Variants in MACO1 observed in about 807,000 individuals in gnomAD.
The protein encoded by MACO1 is macoilin.
A neutral mutation model predicts 78.7 loss-of-function variants in MACO1; 14 were observed. The observed-to-expected ratio is 0.18, with a 90% CI of 0.12 to 0.28. The LOEUF (loss-of-function observed/expected upper bound fraction) is 0.28. Among genes scored for constraint, MACO1 ranks in the 10% least tolerant of loss-of-function variants. MACO1 has a pLI of 1.00. For missense variants in MACO1, 501 were observed against 799.0 expected, an observed-to-expected ratio of 0.63 and a Z score of 4.50; for synonymous variants, 288 against 291.6, an observed-to-expected ratio of 0.99 and a Z score of 0.12.
chr1:25,494,592 C>T (rs957986806), intron 10 of MACO1, among the ~76,000 whole-genome samples: 7 of 151,992 alleles, frequency 4.6e-5, no homozygotes, highest in East Asian at 1.9e-4. Flanking sequence ...TGTGAAAGAC[C>T]GATGGAAGGG....
At chr1:25,440,229 A>C (rs1039536502) in intron 1 of MACO1, among the ~76,000 whole-genome samples, 6 of 88,034 alleles carry the variant, frequency 6.8e-5, no homozygotes, top group Non-Finnish European at 1.5e-4. Context: ...TCCCATCTCT[A>C]CAAAAAAAAA....
chr1:25,475,565 A>AAAAG (rs2043315055), intron 6 of MACO1, among the ~76,000 whole-genome samples: 2 of 148,142 alleles, frequency 1.4e-5, no homozygotes, highest in Non-Finnish European at 1.5e-5. Context: ...AAAAAAAAAA[A>AAAAG]AAAAGGAAAA....
intron 1 of MACO1, among the ~76,000 whole-genome samples, chr1:25,432,038 A>G (rs1469678166): frequency 1.3e-5 from 2 of 152,082 alleles, no homozygotes; most frequent in Non-Finnish European, 2.9e-5. Context: ...CCCCAAGTCG[A>G]TTTGTGTACG....
At chr1:25,450,204 G>A (rs1416471692) in intron 3 of MACO1, among the ~76,000 whole-genome samples, 1 of 152,106 alleles carries the variant, frequency 6.6e-6, no homozygotes, top group Non-Finnish European at 1.5e-5. Flanking sequence ...CTTTTCTGTA[G>A]GCAAGAACAC....
At chr1:25,484,404 A>G in intron 7 of MACO1, 130 bp downstream of exon 7, 3 of 914,106 alleles carry the variant, frequency 3.3e-6, no homozygotes, top group Non-Finnish European at 4.6e-6. Flanking sequence ...AATGTTTAAA[A>G]TACTTTATTT....
chr1:25,496,993 C>T (rs2043543516), intron 10 of MACO1, among the ~76,000 whole-genome samples: 1 of 152,188 alleles, frequency 6.6e-6, no homozygotes, highest in African/African-American at 2.4e-5. Context: ...AGTTAGTATA[C>T]ATAAGCATTT....
intron 10 of MACO1, 44 bp from the exon 11 acceptor site, chr1:25,498,220 G>A: frequency 6.2e-7 from 1 of 1,605,894 alleles, no homozygotes; most frequent in East Asian, 2.2e-5. Context: ...ATTGTGTTGG[G>A]TGAGGCCTCC....
intron 9 of MACO1, 131 bp from the exon 10 acceptor site, chr1:25,491,279 A>ATGAAACAC (rs1455390303): frequency 2.0e-4 from 258 of 1,273,560 alleles, no homozygotes; most frequent in Admixed American, 1.9e-4. Flanking sequence ...GCCTAAACCC[A>ATGAAACAC]TGAAACACCA....
Position 25,491,544 on chromosome 1 carries a change from C to T in MACO1, c.1752C>T (p.Ser584=), listed in dbSNP as rs149775144. The T allele has an allele frequency of 1.5e-5, 24 of 1,614,206 alleles. No individual in the cohort carries two copies. Among genetic ancestry groups the T allele is most frequent in the African/African-American group, 1.2e-4 (9 of 75,058 alleles). ...AETRIKLDLF[S]ALGDAKRQLE... ...CGAGAATCAAGCTGGACCTGTTCTCCGCACTGGGCGATGCAAAGCGGCAGC... is the reference window on the plus strand; with the variant it reads ...CGAGAATCAAGCTGGACCTGTTCTCTGCACTGGGCGATGCAAAGCGGCAGC... The change falls in exon 10 of 11, where the codon TCC becomes TCT. Residue 584 remains serine, a synonymous_variant. Coordinates refer to ENST00000374343, the MANE Select transcript of MACO1 (RefSeq NM_018202.6).
intron 6 of MACO1, among the ~76,000 whole-genome samples, chr1:25,473,302 T>TA (rs1013107444): frequency 1.3e-5 from 2 of 152,222 alleles, no homozygotes; most frequent in African/African-American, 4.8e-5. Flanking sequence ...ATTTTATACT[T>TA]AAACAGGGTT....
chr1:25,440,419 AAAG>A (rs1264235250), intron 1 of MACO1, among the ~76,000 whole-genome samples: 3 of 151,500 alleles, frequency 2.0e-5, no homozygotes, highest in East Asian at 1.9e-4. Flanking sequence ...AAAAAAAAAA[AAAG>A]AAGAAAGAAA....
intron 6 of MACO1, among the ~76,000 whole-genome samples, chr1:25,475,436 G>T (rs1208845906): frequency 6.6e-6 from 1 of 151,922 alleles, no homozygotes; most frequent in Non-Finnish European, 1.5e-5. Context: ...TGTTGGCTGA[G>T]CATGGTGGCT....
At chr1:25,493,407 A>T (rs1443292711) in intron 10 of MACO1, among the ~76,000 whole-genome samples, 1 of 144,318 alleles carries the variant, frequency 6.9e-6, no homozygotes, top group Non-Finnish European at 1.5e-5. Context: ...TGCCCAGCTA[A>T]TTTTTTTTTT....
chr1:25,453,660 C>CAA (rs532604219), intron 3 of MACO1, among the ~76,000 whole-genome samples: 130 of 69,006 alleles, frequency 1.9e-3, no homozygotes, highest in Middle Eastern at 7.6e-3. Context: ...GAGACTCCCT[C>CAA]AAAAAAAAAA....
chr1:25,498,490 A>G lies in MACO1; in HGVS notation c.*24A>G. On this transcript the variant is annotated 3_prime_UTR_variant, in exon 11 of 11. Coordinates refer to ENST00000374343, the MANE Select transcript of MACO1 (RefSeq NM_018202.6). ...GAAGGCCAGCTGTGTGTTGTGCCCA[A>G]AAATTTGGTTACCGGAAGGCATTGC... 1 of 1,566,570 alleles carries G rather than the reference A, an allele frequency of 6.4e-7. No individual in the cohort carries two copies. The highest frequency in any genetic ancestry group is 1.4e-5 in the African/African-American group (1 of 72,758).
At chr1:25,431,878 C>T (rs1057351074) in intron 1 of MACO1, among the ~76,000 whole-genome samples, 4 of 151,308 alleles carry the variant, frequency 2.6e-5, no homozygotes, top group African/African-American at 9.7e-5. Flanking sequence ...AGATAGCTTG[C>T]TTTGAACGTT....
intron 1 of MACO1, among the ~76,000 whole-genome samples, chr1:25,440,230 CAAAAAAA>C (rs35841483): frequency 6.3e-5 from 6 of 95,888 alleles, no homozygotes; most frequent in South Asian, 7.5e-4. Flanking sequence ...CCCATCTCTA[CAAAAAAA>C]AAAAAAAAAA....
chr1:25,454,363 C>T lies in MACO1; in HGVS notation c.454C>T (p.Arg152Cys), dbSNP rs1233151825. 6.2e-7 allele frequency: 1 copy of T among 1,605,380 alleles called. No individual in the cohort carries two copies. Among genetic ancestry groups the T allele is most frequent in the Admixed American group, 1.7e-5 (1 of 59,106 alleles). The change falls in exon 4 of 11, where the codon CGT (arginine) becomes TGT (cysteine). Residue 152 changes from arginine to cysteine, a missense_variant. Arg to Cys is a radical substitution (Grantham distance 180). This residue lies in a region of MACO1 where 171 missense variants were observed against 292.1 expected (regional missense o/e 0.59). Coordinates refer to ENST00000374343, the MANE Select transcript of MACO1 (RefSeq NM_018202.6). ...DLKNFHVDLCRPFAAHCIGYP... is the reference protein window; with the variant it reads ...DLKNFHVDLCCPFAAHCIGYP... ...CAAAAACTTTCATGTAGACCTTTGT[C>T]GTCCATTTGCTGCTCACTGGTAAGT...
At chr1:25,437,115 AC>A (rs1177579555) in intron 1 of MACO1, among the ~76,000 whole-genome samples, 1 of 148,580 alleles carries the variant, frequency 6.7e-6, no homozygotes, top group Non-Finnish European at 1.5e-5. Flanking sequence ...TCATATTGTT[AC>A]GTTGTTCATC....
Sources: gnomAD v4.1 joint callset for allele counts (sites outside exome capture counted in the v4.1 genomes callset) on GRCh38, gnomAD v4.1.1 for gene constraint, gnomAD v4.1.1 regional missense constraint, MANE v1.5 for transcripts, NCBI Gene and HGNC (gene_info 2026-07-23, HGNC 2026-07-21) for gene names.